Variants in CCDC192 observed in about 807,000 individuals in gnomAD.
The protein encoded by CCDC192 is coiled-coil domain containing 192.
At chr5:127,894,025 C>T (rs1414248145) in intron 6 of CCDC192, among the ~76,000 whole-genome samples, 4 of 140,108 alleles carry the variant, frequency 2.9e-5, no homozygotes, top group African/African-American at 8.3e-5. Flanking sequence ...TAAGCCTTTG[C>T]GGTTTGTAAA....
intron 2 of CCDC192, among the ~76,000 whole-genome samples, chr5:127,710,083 G>A (rs898381408): frequency 2.6e-5 from 4 of 152,124 alleles, no homozygotes; most frequent in Non-Finnish European, 4.4e-5. Context: ...CAATGGGTAA[G>A]CTTGGGATCC....
At chr5:127,728,461 A>G (rs1752458075) in intron 2 of CCDC192, among the ~76,000 whole-genome samples, 1 of 152,236 alleles carries the variant, frequency 6.6e-6, no homozygotes, top group Non-Finnish European at 1.5e-5. Context: ...TCATAAGCAA[A>G]GAGGAAATAA....
chr5:127,784,989 C>A, intron 3 of CCDC192: 1 of 477,362 alleles, frequency 2.1e-6, no homozygotes. Flanking sequence ...TTTCATCTTC[C>A]AAGACCAATA....
chr5:127,910,504 T>C (rs1753315993), intron 6 of CCDC192, among the ~76,000 whole-genome samples: 1 of 152,238 alleles, frequency 6.6e-6, no homozygotes, highest in African/African-American at 2.4e-5. Flanking sequence ...GCTGTGCTTA[T>C]AAATGGTTGG....
At chr5:127,736,433 GC>G (rs1255512072) in intron 2 of CCDC192, among the ~76,000 whole-genome samples, 6 of 151,706 alleles carry the variant, frequency 4.0e-5, no homozygotes, top group Admixed American at 2.6e-4. Flanking sequence ...TCAGAATGAT[GC>G]TTGCCTCATA....
Position 127,798,125 on chromosome 5 carries a change from C to T in CCDC192, c.374C>T (p.Ala125Val). Residue 125 changes from alanine (A) to valine (V), a missense_variant, in exon 5 of 7, where the codon GCT (alanine) becomes GTT (valine). Ala to Val is a moderately conservative substitution (Grantham distance 64). Transcript: ENST00000514853. ...VKDQCIQKLQAEVKASQEQLI... is the reference protein window; with the variant it reads ...VKDQCIQKLQVEVKASQEQLI... ...TTTCAGTGCATCCAGAAATTGCAAG[C>T]TGAAGTAAAAGCTTCCCAGGAGCAA... 1 of 398,400 alleles carries T rather than the reference C, an allele frequency of 2.5e-6. No homozygotes were observed. Among genetic ancestry groups the T allele is most frequent in the Non-Finnish European group, 4.4e-6 (1 of 225,648 alleles). The allele number at this position is 398,400 out of a possible 1,614,324, so 24.7% of individuals were successfully genotyped here.
At chr5:127,756,960 A>C (rs1209433162) in intron 3 of CCDC192, among the ~76,000 whole-genome samples, 1 of 152,240 alleles carries the variant, frequency 6.6e-6, no homozygotes, top group East Asian at 1.9e-4. Context: ...TCTTAGCTGG[A>C]TGATCTCTTT....
chr5:127,877,801 T>C (rs1308665990), intron 6 of CCDC192, among the ~76,000 whole-genome samples: 2 of 151,998 alleles, frequency 1.3e-5, no homozygotes, highest in African/African-American at 4.8e-5. Context: ...CACACACATA[T>C]TTCTGGACCT....
In CCDC192 at chr5:127,747,569, G is replaced by A. The variant is rs1396672290; in HGVS notation, c.115-6699G>A. On this transcript the variant is annotated intron_variant, in intron 2 of 6. Transcript: ENST00000514853. ...GTGAATAATGCCGCAATAAACATAC[G>A]TGTGCATGTGTCTTTATAGCAGCAT... 9.3e-4 allele frequency among the ~76,000 whole-genome samples: 141 copies of A among 151,726 alleles called. 1 individual carries two copies. The highest frequency in any genetic ancestry group is 3.0e-3 in the African/African-American group (125 of 41,422).
intron 3 of CCDC192, among the ~76,000 whole-genome samples, chr5:127,768,811 G>A (rs17164674): frequency 0.027 from 4,047 of 152,282 alleles, 174 homozygotes; most frequent in African/African-American, 0.092. Context: ...GACTAAACCC[G>A]TTCTGTGAGC....
chr5:127,702,365 C>G (rs1237794942), upstream of CCDC192, among the ~76,000 whole-genome samples: 1 of 152,186 alleles, frequency 6.6e-6, no homozygotes, highest in Non-Finnish European at 1.5e-5. Flanking sequence ...CCAATCCTTG[C>G]CTTTCCACAA....
At chr5:127,920,530 A>C (rs1351364225) in intron 6 of CCDC192, among the ~76,000 whole-genome samples, 1 of 148,568 alleles carries the variant, frequency 6.7e-6, no homozygotes, top group Non-Finnish European at 1.5e-5. Context: ...TGCAAACTTG[A>C]CTCCTGAATA....
chr5:127,733,803 G>C (rs552033528), intron 2 of CCDC192, among the ~76,000 whole-genome samples: 4 of 149,450 alleles, frequency 2.7e-5, no homozygotes, highest in Non-Finnish European at 5.9e-5. Context: ...CACGCTGTTT[G>C]GCACCTTTTT....
At chr5:127,785,481 CT>C (rs1756488286) in intron 3 of CCDC192, 1 of 216,866 alleles carries the variant, frequency 4.6e-6, no homozygotes, top group African/African-American at 2.4e-5. Flanking sequence ...AGAGAACATG[CT>C]GGCTTCAGCA....
chr5:127,875,659 G>C lies in CCDC192; in HGVS notation c.533G>C (p.Arg178Thr), dbSNP rs1752047855. 2 of 398,336 alleles carry C rather than the reference G, an allele frequency of 5.0e-6. No homozygotes were observed. Among genetic ancestry groups the C allele is most frequent in the African/African-American group, 2.1e-5 (1 of 48,400 alleles). 24.7% of individuals were successfully genotyped at this position (398,336 alleles called of 1,614,324 possible). A position where few individuals can be genotyped will look rare whatever the true frequency, so the allele number is the denominator to read the frequency against. The part of the protein sequence containing the change: ...KTLYEGKPAP[R>T]EDSLLEGFCG... ...CTATATGAAGGAAAGCCAGCCCCTA[G>C]AGGTCAGTATTACCACGTGACAGAT... Residue 178 changes from arginine to threonine, a missense_variant and splice_region_variant, in exon 6 of 7, where the codon AGA (arginine) becomes ACA (threonine). Transcript: ENST00000514853.
intron 3 of CCDC192, chr5:127,785,855 C>A: frequency 2.7e-6 from 1 of 366,058 alleles, no homozygotes; most frequent in South Asian, 3.0e-5. Flanking sequence ...GAAGCAACCA[C>A]AACCTTGTCA....
intron 5 of CCDC192, among the ~76,000 whole-genome samples, chr5:127,862,957 G>C (rs973635552): frequency 1.3e-5 from 2 of 149,128 alleles, no homozygotes; most frequent in African/African-American, 4.9e-5. Context: ...AAGGAGGAAG[G>C]CTCTAAGTGA....
chr5:127,779,822 T>C (rs1025557929), intron 3 of CCDC192, among the ~76,000 whole-genome samples: 15 of 152,158 alleles, frequency 9.9e-5, no homozygotes, highest in Admixed American at 5.9e-4. Flanking sequence ...GAGATTTTGG[T>C]GCACCCATCA....
chr5:127,747,470 T>G (rs1753842085), intron 2 of CCDC192, among the ~76,000 whole-genome samples: 1 of 152,244 alleles, frequency 6.6e-6, no homozygotes, highest in East Asian at 1.9e-4. Context: ...TATTCCATGG[T>G]GTATATGTGC....
Sources: gnomAD v4.1 joint callset for allele counts (sites outside exome capture counted in the v4.1 genomes callset) on GRCh38, gnomAD v4.1.1 for gene constraint, MANE v1.5 for transcripts, NCBI Gene and HGNC (gene_info 2026-07-23, HGNC 2026-07-21) for gene names.